The following TPM3 variants were observed in gnomAD, a reference collection of about 807,000 sequenced individuals.
The protein encoded by TPM3 is tropomyosin 3, also known as tropomyosin alpha-3 chain.
In TPM3, 16 loss-of-function variants were observed where a neutral mutation model predicts 43.1. That is an observed-to-expected ratio of 0.37 (90% CI 0.25 to 0.56). TPM3 has a LOEUF of 0.56. Among genes scored for constraint, TPM3 ranks in the 20% least tolerant of loss-of-function variants. The pLI, the probability that TPM3 is intolerant of heterozygous loss-of-function variation, is 0.77. For synonymous variants in TPM3, 101 were observed against 116.9 expected (o/e 0.86, Z 0.88); for missense variants, 176 against 337.2 (o/e 0.52, Z 3.74).
intron 3 of TPM3, among the ~76,000 whole-genome samples, chr1:154,173,479 A>G (rs1661838521): frequency 6.6e-6 from 1 of 152,160 alleles, no homozygotes; most frequent in Non-Finnish European, 1.5e-5. Flanking sequence ...AGCCTGACCA[A>G]CATGGAGAAA....
chr1:154,171,779 G>C, intron 5 of TPM3: 1 of 623,904 alleles, frequency 1.6e-6, no homozygotes. Flanking sequence ...GGTGGAGGTG[G>C]GAACAAATGC....
chr1:154,166,688 C>CCT lies in TPM3; in HGVS notation c.*1247_*1248dup, dbSNP rs949674324. On this transcript the variant is annotated 3_prime_UTR_variant, in exon 10 of 10. Transcript: ENST00000651641. ...TGCTGTGTAAATTGGAATGCGAATTCCTTTTTTTTTTTTGAGATGGAGTCT... is the reference window on the plus strand; with the variant it reads ...TGCTGTGTAAATTGGAATGCGAATTCCTCTTTTTTTTTTTTGAGATGGAGTCT... 1.9e-5 allele frequency: 18 copies of CCT among 961,382 alleles called. No individual in the cohort carries two copies. Among genetic ancestry groups the CCT allele is most frequent in the Middle Eastern group, 4.9e-4 (1 of 2,030 alleles). 59.6% of individuals were successfully genotyped at this position (961,382 alleles called of 1,614,324 possible). A position where few individuals can be genotyped will look rare whatever the true frequency, so the allele number is the denominator to read the frequency against.
At chr1:154,181,718 G>A (rs35761479) in intron 2 of TPM3, among the ~76,000 whole-genome samples, 15,035 of 152,186 alleles carry the variant, frequency 0.099, 1,111 homozygotes, top group East Asian at 0.37. Context: ...TCAGGAGTTC[G>A]AGACCAGCCT....
At chr1:154,183,616 C>T in intron 2 of TPM3, 1 of 206,956 alleles carries the variant, frequency 4.8e-6, no homozygotes, top group Non-Finnish European at 1.0e-5. Flanking sequence ...CACCCCACGA[C>T]AAACTCCAAA....
At chr1:154,170,767 C>A in intron 6 of TPM3, 56 bp from the exon 7 acceptor site, 8 of 1,134,926 alleles carry the variant, frequency 7.0e-6, no homozygotes, top group South Asian at 1.2e-5. Flanking sequence ...ACAGGCAATA[C>A]CCCCCTCCCT....
chr1:154,173,664 CAA>C (rs75398811), intron 3 of TPM3, among the ~76,000 whole-genome samples: 2 of 79,648 alleles, frequency 2.5e-5, no homozygotes, highest in Non-Finnish European at 5.3e-5. Flanking sequence ...AACTCCGTCT[CAA>C]AAAAAAAAAA....
At chr1:154,189,798 C>CAA (rs1167349462) in intron 2 of TPM3, among the ~76,000 whole-genome samples, 120 of 42,710 alleles carry the variant, frequency 2.8e-3, no homozygotes, top group Middle Eastern at 0.012. Flanking sequence ...AACCCTGTCT[C>CAA]AAAAAAAAAA....
intron 7 of TPM3, 31 bp from the exon 8 acceptor site, chr1:154,170,500 G>A (rs902106032): frequency 6.2e-7 from 1 of 1,612,878 alleles, no homozygotes; most frequent in Non-Finnish European, 8.5e-7. Context: ...GTCAGAACCA[G>A]AGATGAAGAC....
Position 154,162,324 on chromosome 1 carries a change from C to T in TPM3, c.*5613G>A, listed in dbSNP as rs1660457372. On this transcript the variant is annotated 3_prime_UTR_variant, in exon 10 of 10. Coordinates refer to ENST00000651641, the MANE Select transcript of TPM3 (RefSeq NM_152263.4). ...AGCTTGCAGTGAGCCAAGATCACAC[C>T]ACCGCACTCCAGCCTGGGCAACAGA... 7.1e-6 allele frequency among the ~76,000 whole-genome samples: 1 copy of T among 141,748 alleles called. No individual in the cohort carries two copies. The highest frequency in any genetic ancestry group is 7.6e-5 in the Admixed American group (1 of 13,136). 93.0% of individuals were successfully genotyped at this position (141,748 alleles called of 152,430 possible). A position where few individuals can be genotyped will look rare whatever the true frequency, so the allele number is the denominator to read the frequency against.
intron 7 of TPM3, 30 bp from the exon 8 acceptor site, chr1:154,170,499 A>T: frequency 1.2e-6 from 2 of 1,613,116 alleles, no homozygotes; most frequent in Admixed American, 1.7e-5. Flanking sequence ...AGTCAGAACC[A>T]GAGATGAAGA....
rs1447701686 is a variant in TPM3, at chr1:154,170,594, G to T, written c.705+55C>A. On this transcript the variant is annotated intron_variant, in intron 7 of 9. Coordinates refer to ENST00000651641, the MANE Select transcript of TPM3 (RefSeq NM_152263.4). ...CCAGCCAGTTTAAATCCATATTAAT[G>T]CCTTATATACCTCTAAATGTTTTGG... 8.8e-6 allele frequency: 14 copies of T among 1,588,992 alleles called. 1 individual carries two copies. The Middle Eastern group carries it at 6.6e-4, about 75-fold the overall frequency.
intron 2 of TPM3, chr1:154,183,850 TCC>T (rs1400705174): frequency 4.7e-5 from 6 of 126,616 alleles, no homozygotes; most frequent in African/African-American, 2.0e-4. Context: ...CAGACTTTTC[TCC>T]TTTTTTTTTT....
At chr1:154,186,627 C>T (rs1184231869) in intron 2 of TPM3, among the ~76,000 whole-genome samples, 1 of 151,570 alleles carries the variant, frequency 6.6e-6, no homozygotes, top group African/African-American at 2.4e-5. Context: ...TTTGTTTCTC[C>T]CTAAACAGCA....
downstream of TPM3, chr1:154,158,690 C>A: frequency 2.2e-6 from 1 of 460,086 alleles, no homozygotes; most frequent in Non-Finnish European, 4.0e-6. Flanking sequence ...GAAAGAGCAG[C>A]AAATAAGGGT....
chr1:154,167,606 G>A lies in TPM3; in HGVS notation c.*331C>T. The A allele has an allele frequency of 2.5e-6, 3 of 1,218,774 alleles. No homozygotes were observed. The highest frequency in any genetic ancestry group is 4.7e-5 in the South Asian group (2 of 42,424). 75.5% of individuals were successfully genotyped at this position (1,218,774 alleles called of 1,614,324 possible). A position where few individuals can be genotyped will look rare whatever the true frequency, so the allele number is the denominator to read the frequency against. On this transcript the variant is annotated 3_prime_UTR_variant, in exon 10 of 10. Coordinates refer to ENST00000651641, the MANE Select transcript of TPM3 (RefSeq NM_152263.4). ...TGAGTTTAAATGTCAAGAAAAAATA[G>A]ACACACACAAAAGTGGCTTTGATTA...
chr1:154,191,648 G>T, intron 1 of TPM3: 1 of 1,424,504 alleles, frequency 7.0e-7, no homozygotes, highest in Non-Finnish European at 9.2e-7. Flanking sequence ...TAGAAGTCAA[G>T]GGTTCTTCCA....
At chr1:154,179,625 C>A (rs972925224) in intron 2 of TPM3, among the ~76,000 whole-genome samples, 7 of 152,174 alleles carry the variant, frequency 4.6e-5, no homozygotes, top group African/African-American at 1.7e-4. Context: ...CTCGCCCAGG[C>A]TGGAGTACAG....
At chr1:154,156,439 T>A, downstream of TPM3, 1 of 191,072 alleles carries the variant, frequency 5.2e-6, no homozygotes, top group Non-Finnish European at 1.1e-5. Context: ...TATTGATTTC[T>A]CTTTCTCCCA....
At chr1:154,176,004 G>C in intron 3 of TPM3, 111 bp downstream of exon 3, 7 of 1,554,062 alleles carry the variant, frequency 4.5e-6, no homozygotes, top group Non-Finnish European at 5.3e-6. Flanking sequence ...ACAGGCGTGA[G>C]CCATCACACG....
Sources: gnomAD v4.1 joint callset for allele counts (sites outside exome capture counted in the v4.1 genomes callset) on GRCh38, gnomAD v4.1.1 for gene constraint, MANE v1.5 for transcripts, NCBI Gene and HGNC (gene_info 2026-07-23, HGNC 2026-07-21) for gene names.